Variants in NCOR2 observed in about 807,000 individuals in gnomAD.
NCOR2 encodes CTG repeat protein 26.
A neutral mutation model predicts 262.9 loss-of-function variants in NCOR2; 81 were observed. The ratio of observed to expected loss-of-function variants is 0.31; its 90% confidence interval spans 0.26 to 0.37. NCOR2 has a LOEUF of 0.37. Ranked by LOEUF, NCOR2 falls within the 10% of genes least tolerant of loss-of-function variation. The pLI is 1.00. For synonymous variants in NCOR2, 1,659 were observed against 1,559.3 expected, an observed-to-expected ratio of 1.06 and a Z score of -1.51; for missense variants, 3,385 against 3,621.4, an observed-to-expected ratio of 0.93 and a Z score of 1.68.
chr12:124,495,713 C>T (rs188580506), upstream of NCOR2, among the ~76,000 whole-genome samples: 1 of 152,290 alleles, frequency 6.6e-6, no homozygotes, highest in African/African-American at 2.4e-5. This position sits in a 1 kb window ranked among gnomAD's most constrained non-coding sequence, Gnocchi z 4.4. Context: ...TCCATGGCCC[C>T]CGGGTTTCTA....
chr12:124,522,800 C>T (rs922667380), intron 1 of NCOR2, among the ~76,000 whole-genome samples: 20 of 152,222 alleles, frequency 1.3e-4, no homozygotes, highest in Non-Finnish European at 2.1e-4. Flanking sequence ...CAGGGATCTC[C>T]GGGATGGCCC....
chr12:124,494,424 A>G (rs2048267130), intron 1 of NCOR2, among the ~76,000 whole-genome samples: 1 of 152,200 alleles, frequency 6.6e-6, no homozygotes, highest in African/African-American at 2.4e-5. Flanking sequence ...GAGCGAAACC[A>G]AGGCCCGTTG....
chr12:124,545,360 G>A (rs2051507407), intron 1 of NCOR2, among the ~76,000 whole-genome samples: 1 of 152,190 alleles, frequency 6.6e-6, no homozygotes, highest in South Asian at 2.1e-4. Context: ...CCAGAGACAA[G>A]GCAGCCCCTG....
At chr12:124,342,048 G>C in exon 34 of NCOR2, 1 of 1,611,654 alleles carries the variant, frequency 6.2e-7, no homozygotes, top group Non-Finnish European at 8.5e-7. Context: ...TTGGGGGCCA[G>C]GTGTCGGGGC....
At chr12:124,351,815 C>T (rs2037496091) in intron 27 of NCOR2, among the ~76,000 whole-genome samples, 1 of 152,154 alleles carries the variant, frequency 6.6e-6, no homozygotes. Context: ...GACGGGTCCC[C>T]AAATCTCAAT....
intron 23 of NCOR2, among the ~76,000 whole-genome samples, chr12:124,356,053 G>C (rs754650643): frequency 6.6e-6 from 1 of 152,248 alleles, no homozygotes; most frequent in Non-Finnish European, 1.5e-5. Context: ...AGCTTCGGCA[G>C]TGGTGGCCAG....
rs576947719 is a variant in NCOR2, at chr12:124,413,277, C to A, written c.1482+6680G>T. ...CGGAAGTCCTACCCTGTGTCCACCTCTGCAGCGTGGAATCAGGGCAGTCTG... is the reference window on the plus strand; with the variant it reads ...CGGAAGTCCTACCCTGTGTCCACCTATGCAGCGTGGAATCAGGGCAGTCTG... On this transcript the variant is annotated intron_variant, in intron 13 of 46. Coordinates refer to ENST00000405201, the Ensembl canonical transcript of NCOR2. Among the ~76,000 whole-genome samples, 157 of 152,344 alleles carry A rather than the reference C, an allele frequency of 1.0e-3. 1 individual carries two copies. The highest frequency in any genetic ancestry group is 3.7e-3 in the African/African-American group (153 of 41,584).
At chr12:124,375,921 C>T (rs1252830949) in intron 18 of NCOR2, among the ~76,000 whole-genome samples, 3 of 152,188 alleles carry the variant, frequency 2.0e-5, no homozygotes, top group African/African-American at 4.8e-5. Flanking sequence ...GCTGGGTCTC[C>T]GGGGAGATTC....
Position 124,378,424 on chromosome 12 carries a change from G to A in NCOR2, c.2020-40C>T, listed in dbSNP as rs757439772. 6 of 1,572,848 alleles carry A rather than the reference G, an allele frequency of 3.8e-6. No individual in the cohort carries two copies. Among genetic ancestry groups the A allele is most frequent in the Non-Finnish European group, 5.2e-6 (6 of 1,160,282 alleles). The stretch of plus-strand genomic sequence containing the variant: ...AGCAGCAGATCAGGACTGGGGCCTG[G>A]GCTGTCAGCTCGGGGACTCCCCATG... On this transcript the variant is annotated intron_variant, in intron 17 of 46. Coordinates refer to ENST00000405201, the Ensembl canonical transcript of NCOR2. The surrounding 1 kb of genome is among the most constrained non-coding windows in gnomAD (Gnocchi z 4.2).
intron 17 of NCOR2, among the ~76,000 whole-genome samples, chr12:124,385,521 T>C (rs1197429319): frequency 6.6e-6 from 1 of 152,004 alleles, no homozygotes; most frequent in African/African-American, 2.4e-5. Context: ...GAGGGCAGCC[T>C]GGCCCGGCCC....
At chr12:124,448,582 G>A (rs2045330372) in intron 7 of NCOR2, among the ~76,000 whole-genome samples, 1 of 152,160 alleles carries the variant, frequency 6.6e-6, no homozygotes, top group Non-Finnish European at 1.5e-5. Flanking sequence ...AGGTGCTCCT[G>A]AACCCGAGAA....
intron 1 of NCOR2, chr12:124,529,800 A>T (rs1342297761): frequency 6.6e-6 from 1 of 152,272 alleles, no homozygotes; most frequent in Non-Finnish European, 1.5e-5. Context: ...GCTAACATTA[A>T]AAGATTGACA....
chr12:124,402,512 G>GACT, exon 14 of NCOR2: 1 of 1,459,254 alleles, frequency 6.9e-7, no homozygotes. Flanking sequence ...GCGGGGCATG[G>GACT]GCTGCTGCTG....
chr12:124,467,928 A>C (rs1593681882), intron 4 of NCOR2, among the ~76,000 whole-genome samples: 1 of 4,088 alleles, frequency 2.4e-4, no homozygotes. Context: ...CATCCTTATC[A>C]CCCCCCTCAT....
At chr12:124,411,577 G>C (rs1593420365) in intron 13 of NCOR2, among the ~76,000 whole-genome samples, 1 of 152,216 alleles carries the variant, frequency 6.6e-6, no homozygotes, top group South Asian at 2.1e-4. Context: ...CTGCCACCTG[G>C]CCTAGCCAGC....
intron 16 of NCOR2, among the ~76,000 whole-genome samples, chr12:124,396,118 A>C (rs942031360): frequency 6.6e-6 from 1 of 152,186 alleles, no homozygotes; most frequent in Non-Finnish European, 1.5e-5. Context: ...GGAAACGCCC[A>C]GAACAGGCCA....
intron 8 of NCOR2, among the ~76,000 whole-genome samples, chr12:124,431,232 A>G (rs2043902500): frequency 6.6e-6 from 1 of 151,774 alleles, no homozygotes. Context: ...ACAGATATAC[A>G]CAGGCACACG....
chr12:124,441,414 CA>C (rs1276328070), intron 7 of NCOR2, among the ~76,000 whole-genome samples: 1 of 152,190 alleles, frequency 6.6e-6, no homozygotes, highest in Non-Finnish European at 1.5e-5. Context: ...CATGTGATTA[CA>C]AACAAATGAT....
intron 10 of NCOR2, among the ~76,000 whole-genome samples, chr12:124,427,988 G>A (rs996248542): frequency 2.0e-5 from 3 of 151,300 alleles, no homozygotes; most frequent in South Asian, 2.1e-4. Context: ...CCTTCACCCC[G>A]GACACAGCAT....
Sources: gnomAD v4.1 joint callset for allele counts (sites outside exome capture counted in the v4.1 genomes callset) on GRCh38, gnomAD v4.1.1 for gene constraint, Gnocchi (gnomAD v3.1) non-coding constraint, MANE v1.5 for transcripts, NCBI Gene and HGNC (gene_info 2026-07-23, HGNC 2026-07-21) for gene names.